Variants in EBF1 observed in about 807,000 individuals in gnomAD.
The protein encoded by EBF1 is EBF transcription factor 1.
EBF1 carries 10 observed loss-of-function variants against 68.4 expected under a neutral mutation model. That is an observed-to-expected ratio of 0.15 (90% confidence interval 0.09 to 0.25). The LOEUF (loss-of-function observed/expected upper bound fraction) is 0.25, where lower values mean the gene tolerates loss of function less well. Ranked by LOEUF, EBF1 falls within the 10% of genes least tolerant of loss-of-function variation. The probability of loss-of-function intolerance (pLI) is 1.00; values close to 1 mark genes in which losing one functional copy is unlikely to be tolerated. For synonymous variants in EBF1, 298 were observed against 299.8 expected, an observed-to-expected ratio of 0.99 and a Z score of 0.06; for missense variants, 509 against 794.4, an observed-to-expected ratio of 0.64 and a Z score of 4.32.
intron 10 of EBF1, among the ~76,000 whole-genome samples, chr5:158,760,496 GTTA>G (rs1326914497): frequency 2.6e-5 from 4 of 152,096 alleles, no homozygotes; most frequent in Non-Finnish European, 5.9e-5. Flanking sequence ...GAGCCAATGT[GTTA>G]TTAAGACCAG....
chr5:158,764,444 TGTCA>T (rs957281282), intron 10 of EBF1, among the ~76,000 whole-genome samples: 6 of 152,222 alleles, frequency 3.9e-5, no homozygotes, highest in Non-Finnish European at 7.3e-5. Context: ...AGGTCACATT[TGTCA>T]GTCATTCCTT....
intron 8 of EBF1, among the ~76,000 whole-genome samples, chr5:158,814,339 T>C (rs1413904050): frequency 6.6e-6 from 1 of 152,164 alleles, no homozygotes; most frequent in Non-Finnish European, 1.5e-5. Context: ...AGCAAGGCCC[T>C]GTCTCATTAA....
intron 9 of EBF1, among the ~76,000 whole-genome samples, chr5:158,782,278 G>A (rs549556793): frequency 6.6e-6 from 1 of 152,238 alleles, no homozygotes; most frequent in South Asian, 2.1e-4. Context: ...TTTGCTTTGT[G>A]CCATAAATAG....
intron 6 of EBF1, among the ~76,000 whole-genome samples, chr5:159,020,260 T>G (rs1017594667): frequency 1.3e-5 from 2 of 152,162 alleles, no homozygotes; most frequent in African/African-American, 4.8e-5. Context: ...ACTGAGTTCC[T>G]TGAATTCGGT....
chr5:158,986,980 C>T (rs1395231046), intron 6 of EBF1: 1 of 152,224 alleles, frequency 6.6e-6, no homozygotes, highest in Non-Finnish European at 1.5e-5. Context: ...TAGGAGGTGT[C>T]AGAGACAAAT....
intron 6 of EBF1, among the ~76,000 whole-genome samples, chr5:158,936,593 C>A (rs1432404265): frequency 6.6e-6 from 1 of 152,216 alleles, no homozygotes; most frequent in East Asian, 1.9e-4. Flanking sequence ...CCCACATTTG[C>A]AAGCTCACAA....
intron 6 of EBF1, among the ~76,000 whole-genome samples, chr5:159,016,338 T>C (rs1765615055): frequency 6.6e-6 from 1 of 152,182 alleles, no homozygotes; most frequent in African/African-American, 2.4e-5. Flanking sequence ...CAAGTTGTTT[T>C]TTTCAGCTAT....
At chr5:158,946,131 C>T (rs775568798) in intron 6 of EBF1, among the ~76,000 whole-genome samples, 2 of 152,138 alleles carry the variant, frequency 1.3e-5, no homozygotes, top group African/African-American at 4.8e-5. Flanking sequence ...TTAGAACATG[C>T]TCCTTTAGCT....
chr5:158,811,062 C>G (rs1483712031), intron 8 of EBF1, among the ~76,000 whole-genome samples: 1 of 152,138 alleles, frequency 6.6e-6, no homozygotes, highest in African/African-American at 2.4e-5. Flanking sequence ...TCATATTCAT[C>G]TGATAACAAT....
chr5:158,946,587 G>T (rs1460155573), intron 6 of EBF1, among the ~76,000 whole-genome samples: 1 of 152,186 alleles, frequency 6.6e-6, no homozygotes, highest in Non-Finnish European at 1.5e-5. Flanking sequence ...CCCACCAAAT[G>T]CCAGCCAGAG....
intron 6 of EBF1, among the ~76,000 whole-genome samples, chr5:159,067,152 T>C (rs184985165): frequency 1.2e-4 from 18 of 152,012 alleles, no homozygotes; most frequent in African/African-American, 3.4e-4. Context: ...TGGAGAGAGT[T>C]TTTCCCCCCA....
rs1236507211 is a variant in EBF1 at position 158,697,797 on chromosome 5, A to G, written c.*1314T>C. The G allele has an allele frequency of 4.8e-6, 1 of 209,818 alleles. No individual in the cohort carries two copies. Among genetic ancestry groups the G allele is most frequent in the Non-Finnish European group, 9.7e-6 (1 of 103,308 alleles). 13.0% of individuals were successfully genotyped at this position (209,818 alleles called of 1,614,324 possible). On this transcript the variant is annotated 3_prime_UTR_variant, in exon 16 of 16. Transcript: ENST00000313708. ...AGTATTTATAACTACATACAAAAAC[A>G]CAAGAGCAAAGAAAAAAATATCAGG...
At chr5:159,096,686 C>T in intron 2 of EBF1, 1 of 604,310 alleles carries the variant, frequency 1.7e-6, no homozygotes, top group Non-Finnish European at 2.9e-6. Context: ...GCAGGCGGTG[C>T]GTAATCTGGT....
At chr5:158,993,031 C>T (rs1387162602) in intron 6 of EBF1, among the ~76,000 whole-genome samples, 2 of 141,578 alleles carry the variant, frequency 1.4e-5, no homozygotes, top group African/African-American at 2.6e-5. Context: ...TGGGCTCAAG[C>T]GATTCTCCTG....
At chr5:158,932,987 C>T (rs926555347) in intron 6 of EBF1, among the ~76,000 whole-genome samples, 1 of 152,216 alleles carries the variant, frequency 6.6e-6, no homozygotes, top group African/African-American at 2.4e-5. Context: ...GATAGACACC[C>T]TGGTCTCTGA....
intron 6 of EBF1, among the ~76,000 whole-genome samples, chr5:158,907,804 C>A (rs1211416729): frequency 1.3e-5 from 2 of 151,818 alleles, no homozygotes; most frequent in Non-Finnish European, 2.9e-5. Context: ...CCAAAACCAG[C>A]ACAATCATTC....
intron 10 of EBF1, among the ~76,000 whole-genome samples, chr5:158,757,876 G>T (rs1174950573): frequency 6.6e-6 from 1 of 152,150 alleles, no homozygotes; most frequent in Non-Finnish European, 1.5e-5. Flanking sequence ...AGAATCGGGG[G>T]CTTTGTTCAT....
chr5:158,835,493 T>G (rs1249468847), intron 7 of EBF1, among the ~76,000 whole-genome samples: 1 of 152,214 alleles, frequency 6.6e-6, no homozygotes, highest in Non-Finnish European at 1.5e-5. Flanking sequence ...ACTTTGATTG[T>G]GTGTCAATGT....
At chr5:159,033,935 T>C (rs1028885434) in intron 6 of EBF1, among the ~76,000 whole-genome samples, 2 of 152,192 alleles carry the variant, frequency 1.3e-5, no homozygotes, top group African/African-American at 4.8e-5. Context: ...TAGGGTAAGC[T>C]TTCCAAAAAT....
Sources: gnomAD v4.1 joint callset for allele counts (sites outside exome capture counted in the v4.1 genomes callset) on GRCh38, gnomAD v4.1.1 for gene constraint, MANE v1.5 for transcripts, NCBI Gene and HGNC (gene_info 2026-07-23, HGNC 2026-07-21) for gene names.